Variants in KHNYN observed in about 807,000 individuals in gnomAD.
KHNYN encodes KH and NYN domain containing.
KHNYN carries 42 observed loss-of-function variants against 62.7 expected under a neutral mutation model. That is an observed-to-expected ratio of 0.67 (90% CI 0.52 to 0.87). KHNYN has a LOEUF of 0.87. Ranked by LOEUF, KHNYN falls within the 40% of genes least tolerant of loss-of-function variation. The pLI, the probability that KHNYN is intolerant of heterozygous loss-of-function variation, is 0.00. For synonymous variants in KHNYN, 347 were observed against 345.6 expected (o/e 1.00, Z -0.04); for missense variants, 829 against 874.1 (o/e 0.95, Z 0.65).
rs1187464762 is a variant in KHNYN at position 24,431,604 on chromosome 14, G to T, written c.343G>T (p.Ala115Ser). ...CACGTCAGCCCATCTGGTGCCCAGG[G>T]CGCCAGGCTCACTGATGATCAGTGG... The part of the protein sequence containing the change: ...WSTSAHLVPR[A>S]PGSLMISGLT... Residue 115 changes from alanine to serine, a missense_variant, in exon 3 of 8, where the codon GCG becomes TCG. Around this residue, in one of 2 missense-constraint regions of KHNYN, gnomAD observed 559 missense variants for 527.0 expected, o/e 1.06. Coordinates refer to ENST00000553935, the MANE Select transcript of KHNYN (RefSeq NM_015299.3). 3.1e-6 allele frequency: 5 copies of T among 1,613,482 alleles called. No individual in the cohort carries two copies. Among genetic ancestry groups the T allele is most frequent in the Non-Finnish European group, 4.2e-6 (5 of 1,179,538 alleles).
Position 24,437,144 on chromosome 14 carries a change from C to T in KHNYN, c.1896C>T (p.Thr632=). Residue 632 remains threonine (T), a synonymous_variant, in exon 8 of 8, where the codon ACC becomes ACT. Coordinates refer to ENST00000553935, the MANE Select transcript of KHNYN (RefSeq NM_015299.3). The surrounding 1 kb of genome is among the most constrained non-coding windows in gnomAD (Gnocchi z 5.5). ...EEKGSGGIRK[T]RETERLRRQL... is the part of the protein sequence containing the mutation. ...AAGGTAGTGGTGGCATTCGGAAGAC[C>T]CGGGAAACAGAGCGGCTCCGGCGGC... The T allele has an allele frequency of 6.2e-7, 1 of 1,614,144 alleles. No individual in the cohort carries two copies. The highest frequency in any genetic ancestry group is 2.2e-5 in the East Asian group (1 of 44,886).
At chr14:24,435,012 G>A (rs1028559792) in intron 5 of KHNYN, among the ~76,000 whole-genome samples, 2 of 152,216 alleles carry the variant, frequency 1.3e-5, no homozygotes, top group African/African-American at 2.4e-5. Context: ...GTGTTGAGAA[G>A]ACTGGGATGG....
rs1397349319 is a variant in KHNYN, at chr14:24,440,608, C to T, written c.*3323C>T. 1.4e-6 allele frequency: 2 copies of T among 1,387,184 alleles called. No homozygotes were observed. Among genetic ancestry groups the T allele is most frequent in the African/African-American group, 1.4e-5 (1 of 69,404 alleles). The allele number at this position is 1,387,184 out of a possible 1,614,324, so 85.9% of individuals were successfully genotyped here. A position where few individuals can be genotyped will look rare whatever the true frequency, so the allele number is the denominator to read the frequency against. Reference sequence around the variant, plus strand: ...TCCCCATGCTGACTTGGCTCTGTAACAGAAGTGAGCAGTATGGCTGTCTTT... The same window carrying T: ...TCCCCATGCTGACTTGGCTCTGTAATAGAAGTGAGCAGTATGGCTGTCTTT... On this transcript the variant is annotated 3_prime_UTR_variant, in exon 8 of 8. Transcript: ENST00000553935.
chr14:24,433,123 G>A, intron 5 of KHNYN, 91 bp downstream of exon 5: 1 of 1,237,098 alleles, frequency 8.1e-7, no homozygotes, highest in South Asian at 1.2e-5. Flanking sequence ...GGTTTACGCT[G>A]TTTCTAAGCC....
In KHNYN at chr14:24,440,534, T is replaced by C. The variant is rs892762406; in HGVS notation, c.*3249T>C. 3 of 1,561,676 alleles carry C rather than the reference T, an allele frequency of 1.9e-6. No homozygotes were observed. The highest frequency in any genetic ancestry group is 1.4e-5 in the African/African-American group (1 of 73,556). ...GGAAGGTACAGGGGTCCTCTCAGCC[T>C]TGAAGGAGCCCACTGCTCCTCCTGG... On this transcript the variant is annotated 3_prime_UTR_variant, in exon 8 of 8. Transcript: ENST00000553935.
chr14:24,426,216 G>A (rs1399882831), upstream of KHNYN, among the ~76,000 whole-genome samples: 1 of 152,154 alleles, frequency 6.6e-6, no homozygotes, highest in East Asian at 1.9e-4. Context: ...TCAAGTGGGA[G>A]CTTCTTTAAA....
chr14:24,426,974 G>GT (rs1299113032), upstream of KHNYN: 7 of 152,446 alleles, frequency 4.6e-5, no homozygotes, highest in Admixed American at 4.6e-4. Context: ...GTTTCAGGAG[G>GT]TGGCCAAGCA....
At chr14:24,429,123 T>C, upstream of KHNYN, 2 of 1,436,698 alleles carry the variant, frequency 1.4e-6, no homozygotes, top group South Asian at 1.4e-5. Flanking sequence ...CTCCTCTCCC[T>C]GGATTCTCAC....
chr14:24,432,194 G>T lies in KHNYN; in HGVS notation c.933G>T (p.Glu311Asp). 6.3e-7 allele frequency: 1 copy of T among 1,581,100 alleles called. No individual in the cohort carries two copies. Among genetic ancestry groups the T allele is most frequent in the Non-Finnish European group, 8.6e-7 (1 of 1,161,664 alleles). The change falls in exon 3 of 8, where the codon GAG becomes GAT. Residue 311 changes from glutamate (E) to aspartate (D), a missense_variant. Glu to Asp is a conservative substitution (Grantham distance 45). Transcript: ENST00000553935. The surrounding 1 kb of genome is among the most constrained non-coding windows in gnomAD (Gnocchi z 5.6). ...AAGGGAAGGCCCTGGGGAAGGAGGA[G>T]ATAGCTCTGGGAGGAGGAGGGTTCT... is the stretch of plus-strand genomic sequence containing the variant. ...PLKGKALGKE[E>D]IALGGGGFCV...
chr14:24,433,175 A>G, intron 5 of KHNYN, 143 bp downstream of exon 5: 1 of 732,254 alleles, frequency 1.4e-6, no homozygotes, highest in Non-Finnish European at 2.3e-6. Flanking sequence ...TGTGTGCCTT[A>G]TGATTGGGTA....
chr14:24,432,799 A>G lies in KHNYN; in HGVS notation c.1427A>G (p.Asp476Gly), dbSNP rs779129572. 6.2e-7 allele frequency: 1 copy of G among 1,614,232 alleles called. No homozygotes were observed. Among genetic ancestry groups the G allele is most frequent in the Non-Finnish European group, 8.5e-7 (1 of 1,180,036 alleles). Residue 476 changes from aspartate (D) to glycine (G), a missense_variant, in exon 4 of 8, where the codon GAC becomes GGC. Physicochemically the swap from Asp to Gly is moderately conservative, Grantham distance 94. This residue lies in a region of KHNYN where 270 missense variants were observed against 347.1 expected (regional missense o/e 0.78). Transcript: ENST00000553935. The surrounding 1 kb of genome is among the most constrained non-coding windows in gnomAD (Gnocchi z 5.6). ...TACTTCTGGGACCGTGGTCACCGTG[A>G]CATAACTGTCTTTGTGCCTCAGTGG... ...VQYFWDRGHR[D>G]ITVFVPQWRF... is the part of the protein sequence containing the mutation.
chr14:24,429,823 G>A, upstream of KHNYN: 1 of 1,059,658 alleles, frequency 9.4e-7, no homozygotes, highest in South Asian at 2.5e-5. Context: ...GCGAGCCCTG[G>A]AGCCGCCGAG....
chr14:24,429,441 G>A, upstream of KHNYN: 1 of 512,828 alleles, frequency 1.9e-6, no homozygotes, highest in Non-Finnish European at 3.8e-6. Flanking sequence ...CAGAATGTGT[G>A]AGTGTGTGCA....
intron 7 of KHNYN, 113 bp downstream of exon 7, chr14:24,436,602 G>A: frequency 1.3e-6 from 1 of 742,046 alleles, no homozygotes; most frequent in Non-Finnish European, 2.2e-6. Context: ...TAATTTTGCA[G>A]TGGTTTGAGT....
chr14:24,437,094 C>G lies in KHNYN; in HGVS notation c.1846C>G (p.Gln616Glu), dbSNP rs1323892495. The change falls in exon 8 of 8, where the codon CAG (glutamine) becomes GAG (glutamate). Residue 616 changes from glutamine (Q) to glutamate (E), a missense_variant. Physicochemically the swap from Gln to Glu is conservative, Grantham distance 29 (BLOSUM62 2). This residue lies in a region of KHNYN where 270 missense variants were observed against 347.1 expected (regional missense o/e 0.78). Coordinates refer to ENST00000553935, the MANE Select transcript of KHNYN (RefSeq NM_015299.3). The surrounding 1 kb of genome is among the most constrained non-coding windows in gnomAD (Gnocchi z 5.5). ...CAGGGGCTTTGCAGAACATGGTAAA[C>G]AGCAGCAGGGGAGAGAAGAGGAAAA... is the stretch of plus-strand genomic sequence containing the variant. Reference protein sequence around the residue: ...PSRGFAEHGKQQQGREEEKGS... With the variant: ...PSRGFAEHGKEQQGREEEKGS... The G allele has an allele frequency of 6.2e-7, 1 of 1,614,192 alleles. No individual in the cohort carries two copies. Among genetic ancestry groups the G allele is most frequent in the Admixed American group, 1.7e-5 (1 of 60,020 alleles).
At chr14:24,423,957 G>A in the KHNYN span, among the ~76,000 whole-genome samples, 6 of 152,134 alleles carry the variant, frequency 3.9e-5, no homozygotes, top group African/African-American at 1.2e-4. Flanking sequence ...ATTTGAACAC[G>A]ATTTCTATAA....
intron 2 of KHNYN, 87 bp downstream of exon 2, chr14:24,431,018 A>G: frequency 7.7e-7 from 1 of 1,290,484 alleles, no homozygotes; most frequent in South Asian, 1.4e-5. Flanking sequence ...AGAGCAGGGA[A>G]GAGGAGGGGC....
At chr14:24,427,735 G>A, upstream of KHNYN, 2 of 1,532,690 alleles carry the variant, frequency 1.3e-6, no homozygotes, top group Non-Finnish European at 1.8e-6. The surrounding 1 kb of genome is among the most constrained non-coding windows in gnomAD (Gnocchi z 4.4). Flanking sequence ...GGGCAAGAGA[G>A]GGCAGAAGAA....
At position 24,430,023 on chromosome 14, in the gene KHNYN, G is replaced by T. The variant is rs1173911737; in HGVS notation, c.-114G>T. On this transcript the variant is annotated 5_prime_UTR_variant, in exon 1 of 8. Transcript: ENST00000553935. Reference sequence around the variant, plus strand: ...AACCCGGGAAGGCCCGCCCAGATTCGGGCCCCCTGCCCTTGTCCCCTGGGC... The same window carrying T: ...AACCCGGGAAGGCCCGCCCAGATTCTGGCCCCCTGCCCTTGTCCCCTGGGC... The T allele has an allele frequency of 1.0e-6, 1 of 985,628 alleles. No homozygotes were observed. The highest frequency in any genetic ancestry group is 1.2e-6 in the Non-Finnish European group (1 of 830,044). The allele number at this position is 985,628 out of a possible 1,614,324, so 61.1% of individuals were successfully genotyped here. A position where few individuals can be genotyped will look rare whatever the true frequency, so the allele number is the denominator to read the frequency against.
Sources: gnomAD v4.1 joint callset for allele counts (sites outside exome capture counted in the v4.1 genomes callset) on GRCh38, gnomAD v4.1.1 for gene constraint, gnomAD v4.1.1 regional missense constraint, Gnocchi (gnomAD v3.1) non-coding constraint, MANE v1.5 for transcripts, NCBI Gene and HGNC (gene_info 2026-07-23, HGNC 2026-07-21) for gene names.